Variants in MTUS2 observed in about 807,000 individuals in gnomAD.
MTUS2 encodes microtubule associated scaffold protein 2.
In MTUS2, 40 loss-of-function variants were observed where a neutral mutation model predicts 114.1. The observed-to-expected ratio is 0.35, with a 90% confidence interval of 0.27 to 0.46. The LOEUF is 0.46. Ranked by LOEUF, MTUS2 falls within the 20% of genes least tolerant of loss-of-function variation. The probability of loss-of-function intolerance (pLI) is 1.00; values close to 1 mark genes in which losing one functional copy is unlikely to be tolerated. For missense variants in MTUS2, 1,679 were observed against 1,705.4 expected (o/e 0.98, Z 0.27); for synonymous variants, 688 against 672.0 (o/e 1.02, Z -0.37).
intron 4 of MTUS2, among the ~76,000 whole-genome samples, chr13:29,056,145 A>G (rs780298601): frequency 2.0e-5 from 3 of 152,014 alleles, no homozygotes; most frequent in Non-Finnish European, 4.4e-5. Flanking sequence ...TCCTATGTGC[A>G]GAATGGCATT....
At chr13:29,275,754 CT>C (rs1172169673) in intron 5 of MTUS2, among the ~76,000 whole-genome samples, 7 of 152,172 alleles carry the variant, frequency 4.6e-5, no homozygotes, top group African/African-American at 1.7e-4. Context: ...ACCACATTTT[CT>C]TTATCCATTC....
At chr13:28,858,046 A>T (rs994051576) in intron 2 of MTUS2, among the ~76,000 whole-genome samples, 1 of 152,212 alleles carries the variant, frequency 6.6e-6, no homozygotes. Context: ...CTCTGGATAT[A>T]AAGTAGAGGG....
At chr13:29,010,746 C>G (rs933849574) in intron 2 of MTUS2, among the ~76,000 whole-genome samples, 4 of 152,220 alleles carry the variant, frequency 2.6e-5, no homozygotes, top group Non-Finnish European at 5.9e-5. Context: ...GTCCTGGTTT[C>G]TCCTACCCCA....
At chr13:29,043,786 T>TGTAAC (rs1555288723) in intron 4 of MTUS2, among the ~76,000 whole-genome samples, 1 of 151,686 alleles carries the variant, frequency 6.6e-6, no homozygotes, top group African/African-American at 2.4e-5. Context: ...TAAAGTCTGA[T>TGTAAC]AGACTTTATA....
intron 5 of MTUS2, among the ~76,000 whole-genome samples, chr13:29,258,875 CT>C (rs1329843385): frequency 6.6e-6 from 1 of 152,182 alleles, no homozygotes; most frequent in Non-Finnish European, 1.5e-5. Flanking sequence ...ACTGACCTAC[CT>C]GGGGCCCAAA....
At chr13:29,211,323 TC>T (rs561257992) in intron 5 of MTUS2, among the ~76,000 whole-genome samples, 808 of 148,912 alleles carry the variant, frequency 5.4e-3, no homozygotes, top group Non-Finnish European at 7.1e-3. Flanking sequence ...TCCCACCATG[TC>T]CCCCCAACAG....
chr13:29,320,010 T>C (rs9578078), intron 6 of MTUS2, among the ~76,000 whole-genome samples: 62,267 of 152,004 alleles, frequency 0.41, 13,804 homozygotes, highest in African/African-American at 0.6. Flanking sequence ...TACTGGCCCC[T>C]GAATATGTCC....
At chr13:29,158,144 C>T (rs2139065617) in intron 5 of MTUS2, among the ~76,000 whole-genome samples, 1 of 152,158 alleles carries the variant, frequency 6.6e-6, no homozygotes, top group East Asian at 1.9e-4. Flanking sequence ...ACTGTCCCTC[C>T]CGGACTCCCT....
intron 6 of MTUS2, chr13:29,307,491 C>A: frequency 7.8e-7 from 1 of 1,281,602 alleles, no homozygotes; most frequent in Non-Finnish European, 1.1e-6. Flanking sequence ...TCCCCACTGC[C>A]AACTTGTCAG....
rs1162345952 is a variant in MTUS2 at position 28,978,993 on chromosome 13, G to C, written c.-242-45464G>C. Among the ~76,000 whole-genome samples the C allele has an allele frequency of 2.0e-5, 3 of 152,160 alleles. No individual in the cohort carries two copies. In the East Asian group the frequency reaches 5.8e-4, roughly 29 times the overall value. Reference sequence around the variant, plus strand: ...ATAGGGTTGTGGAAAGCAGCCCCGTGGATCATTCAGAAGAGAGGCAAGTCC... The same window carrying C: ...ATAGGGTTGTGGAAAGCAGCCCCGTCGATCATTCAGAAGAGAGGCAAGTCC... On this transcript the variant is annotated intron_variant, in intron 2 of 15. Coordinates refer to ENST00000612955, the MANE Select transcript of MTUS2 (RefSeq NM_001033602.4).
intron 2 of MTUS2, among the ~76,000 whole-genome samples, chr13:28,902,231 T>G (rs1460714348): frequency 6.6e-6 from 1 of 152,174 alleles, no homozygotes; most frequent in Admixed American, 6.5e-5. Flanking sequence ...TAAAAAATAG[T>G]TTTCTTGGGA....
intron 7 of MTUS2, among the ~76,000 whole-genome samples, chr13:29,325,480 A>AGG (rs1900450233): frequency 2.1e-5 from 2 of 93,180 alleles, no homozygotes; most frequent in Admixed American, 1.2e-4. Flanking sequence ...AGAAAAGAAG[A>AGG]AGAGGAAGAG....
chr13:29,370,131 C>G (rs899327208), intron 8 of MTUS2, among the ~76,000 whole-genome samples: 4 of 152,172 alleles, frequency 2.6e-5, no homozygotes, highest in Non-Finnish European at 5.9e-5. Flanking sequence ...GGGTGGATCG[C>G]TTGAGCCCAG....
chr13:29,266,174 A>T (rs1897660656), intron 5 of MTUS2, among the ~76,000 whole-genome samples: 1 of 152,164 alleles, frequency 6.6e-6, no homozygotes, highest in Non-Finnish European at 1.5e-5. Context: ...CTGAGTGCTG[A>T]TATGTTCCAG....
chr13:28,911,535 G>A (rs1880433273), intron 2 of MTUS2, among the ~76,000 whole-genome samples: 1 of 152,002 alleles, frequency 6.6e-6, no homozygotes, highest in Admixed American at 6.6e-5. Flanking sequence ...GAGATTGCTG[G>A]GTAAAATGGT....
In MTUS2 at chr13:28,893,034, G is replaced by A. The variant is rs149173886; in HGVS notation, c.-243+53184G>A. Among the ~76,000 whole-genome samples, 259 of 152,318 alleles carry A rather than the reference G, an allele frequency of 1.7e-3. 1 individual carries two copies. The highest frequency in any genetic ancestry group is 5.8e-3 in the African/African-American group (243 of 41,556). On this transcript the variant is annotated intron_variant, in intron 2 of 15. Coordinates refer to ENST00000612955, the MANE Select transcript of MTUS2 (RefSeq NM_001033602.4). ...GAAGCAAATGTCTGCAGACAGGATG[G>A]CCTTCCACATGGTTGGAGAGGAGGA... is the stretch of plus-strand genomic sequence containing the variant.
intron 4 of MTUS2, among the ~76,000 whole-genome samples, chr13:29,059,533 C>T (rs767705892): frequency 3.1e-4 from 47 of 152,208 alleles, no homozygotes; most frequent in South Asian, 4.1e-4. Flanking sequence ...GACTGCTTGG[C>T]TGGAAGCTCT....
intron 8 of MTUS2, among the ~76,000 whole-genome samples, chr13:29,404,242 T>G (rs1207714741): frequency 6.6e-6 from 1 of 150,904 alleles, no homozygotes; most frequent in Non-Finnish European, 1.5e-5. Flanking sequence ...TCCCAGCTAC[T>G]CGGGAGGCTG....
intron 9 of MTUS2, among the ~76,000 whole-genome samples, chr13:29,474,466 T>C (rs1438993899): frequency 6.6e-6 from 1 of 152,188 alleles, no homozygotes; most frequent in Non-Finnish European, 1.5e-5. Flanking sequence ...ATGAAATATA[T>C]ATCATGACAG....
Sources: allele counts gnomAD v4.1 joint callset (sites outside exome capture counted in the v4.1 genomes callset), GRCh38; gene constraint gnomAD v4.1.1; transcripts MANE v1.5; gene names NCBI Gene and HGNC (gene_info 2026-07-23, HGNC 2026-07-21).